ZCCHC4: variants seen among roughly 807,000 people sequenced by gnomAD.
ZCCHC4 encodes rRNA N(6)-adenosine-methyltransferase ZCCHC4.
A neutral mutation model predicts 67.7 loss-of-function variants in ZCCHC4; 54 were observed. The observed-to-expected ratio is 0.80, with a 90% CI of 0.64 to 1.00. The LOEUF (loss-of-function observed/expected upper bound fraction) is 1.00, where lower values mean the gene tolerates loss of function less well. Ranked by LOEUF, ZCCHC4 falls within the 50% of genes least tolerant of loss-of-function variation. The probability of loss-of-function intolerance (pLI) is 0.00; values close to 1 mark genes in which losing one functional copy is unlikely to be tolerated. For missense variants in ZCCHC4, 609 were observed against 617.0 expected, an observed-to-expected ratio of 0.99 and a Z score of 0.14; for synonymous variants, 198 against 213.5, an observed-to-expected ratio of 0.93 and a Z score of 0.63.
chr4:25,350,201 A>G (rs932157144), intron 7 of ZCCHC4, among the ~76,000 whole-genome samples: 7 of 142,586 alleles, frequency 4.9e-5, no homozygotes, highest in African/African-American at 5.2e-5. Flanking sequence ...GCTGGGGGTT[A>G]TTATTCAGTT....
rs1207468148 is a variant in ZCCHC4, at chr4:25,362,052, GC to G, written c.1133+73del. ...AGTTACATATATCCATCAGTCAAATGCTTTCAGTATTGAATCATGTTATTCT... is the reference window on the plus strand; with the variant it reads ...AGTTACATATATCCATCAGTCAAATGTTTCAGTATTGAATCATGTTATTCT... On this transcript the variant is annotated intron_variant, in intron 9 of 12. Transcript: ENST00000302874. 6 of 1,539,762 alleles carry G rather than the reference GC, an allele frequency of 3.9e-6. No homozygotes were observed. The African/African-American group carries it at 8.3e-5, about 21-fold the overall frequency.
At chr4:25,346,430 T>G (rs1202635639) in intron 6 of ZCCHC4, among the ~76,000 whole-genome samples, 1 of 152,168 alleles carries the variant, frequency 6.6e-6, no homozygotes, top group Non-Finnish European at 1.5e-5. Flanking sequence ...CAAGACACCT[T>G]GAAGCATACC....
At position 25,325,486 on chromosome 4, in the gene ZCCHC4, A is replaced by G. The variant is rs550270748; in HGVS notation, c.330-7697A>G. ...ACCATGTTGGCCAGGCTGATCTCGA[A>G]CTCCTGACTTCAAGGGCTCTGCCTG... On this transcript the variant is annotated intron_variant, in intron 3 of 12. Transcript: ENST00000302874. Among the ~76,000 whole-genome samples, 488 of 151,342 alleles carry G rather than the reference A, an allele frequency of 3.2e-3. 1 individual carries two copies. Among genetic ancestry groups the G allele is most frequent in the African/African-American group, 0.011 (471 of 41,276 alleles).
At chr4:25,367,649 A>C (rs1468056665) in intron 12 of ZCCHC4, among the ~76,000 whole-genome samples, 1 of 152,174 alleles carries the variant, frequency 6.6e-6, no homozygotes, top group Non-Finnish European at 1.5e-5. Flanking sequence ...TGTAAAGATG[A>C]CTTTTTTGGT....
At chr4:25,351,980 A>C in intron 8 of ZCCHC4, 1 of 1,057,974 alleles carries the variant, frequency 9.5e-7, no homozygotes, top group Non-Finnish European at 1.1e-6. Context: ...GCTAGGGTTT[A>C]GAGCGGCTGA....
At chr4:25,362,150 A>G in intron 9 of ZCCHC4, 76 bp from the exon 10 acceptor site, 1 of 1,465,756 alleles carries the variant, frequency 6.8e-7, no homozygotes, top group Non-Finnish European at 9.3e-7. Flanking sequence ...TTTTGTAATG[A>G]GTGCTTTGTA....
At chr4:25,315,159 C>G (rs994626667) in intron 2 of ZCCHC4, among the ~76,000 whole-genome samples, 159 bp from the exon 3 acceptor site, 44 of 152,302 alleles carry the variant, frequency 2.9e-4, no homozygotes, top group African/African-American at 8.7e-4. Flanking sequence ...TCAAGCTGCT[C>G]TAGAATTTTC....
At chr4:25,331,093 A>AT (rs1399716538) in intron 3 of ZCCHC4, among the ~76,000 whole-genome samples, 1 of 152,078 alleles carries the variant, frequency 6.6e-6, no homozygotes, top group Non-Finnish European at 1.5e-5. Context: ...TCGGTTCTCC[A>AT]TCCCTGTGCT....
chr4:25,369,002 G>A (rs774285477), intron 12 of ZCCHC4, 27 bp from the exon 13 acceptor site: 2 of 1,593,594 alleles, frequency 1.3e-6, no homozygotes, highest in Non-Finnish European at 1.7e-6. Flanking sequence ...CTCATTCTGT[G>A]AAATAATTTA....
At chr4:25,323,991 G>T (rs111418309) in intron 3 of ZCCHC4, among the ~76,000 whole-genome samples, 5 of 111,774 alleles carry the variant, frequency 4.5e-5, no homozygotes, top group African/African-American at 1.9e-4. Context: ...AAAGGTAATC[G>T]TACAGTATGT....
Position 25,332,284 on chromosome 4 carries a change from GGTGA to G in ZCCHC4, c.330-898_330-895del, listed in dbSNP as rs1393926982. ...GATTGCGCCACGGCACTCTAGCCTG[GGTGA>G]CTCCATCTCAAAAAAAAAAAAAAAA... On this transcript the variant is annotated intron_variant, in intron 3 of 12. Coordinates refer to ENST00000302874, the MANE Select transcript of ZCCHC4 (RefSeq NM_024936.3). Among the ~76,000 whole-genome samples, 10 of 140,236 alleles carry G rather than the reference GGTGA, an allele frequency of 7.1e-5. No individual in the cohort carries two copies. In the Admixed American group the frequency reaches 7.3e-4, roughly 10 times the overall value. 92.0% of individuals were successfully genotyped at this position (140,236 alleles called of 152,430 possible). A position where few individuals can be genotyped will look rare whatever the true frequency, so the allele number is the denominator to read the frequency against.
chr4:25,321,530 G>A (rs562389789), intron 3 of ZCCHC4, among the ~76,000 whole-genome samples: 15 of 151,016 alleles, frequency 9.9e-5, no homozygotes, highest in African/African-American at 2.9e-4. Context: ...CCGCCACCAC[G>A]CCCAGCTAAT....
intron 3 of ZCCHC4, among the ~76,000 whole-genome samples, chr4:25,319,584 T>C (rs1718470346): frequency 6.6e-6 from 1 of 152,186 alleles, no homozygotes; most frequent in Non-Finnish European, 1.5e-5. Flanking sequence ...ATATGCTTTC[T>C]CTGGAGCAAA....
chr4:25,317,208 C>A (rs1029801500), intron 3 of ZCCHC4, among the ~76,000 whole-genome samples: 3 of 152,062 alleles, frequency 2.0e-5, no homozygotes, highest in Non-Finnish European at 2.9e-5. Flanking sequence ...GATTGTGAGG[C>A]CTCATTTAGA....
At chr4:25,335,322 C>T (rs1719402558) in intron 5 of ZCCHC4, among the ~76,000 whole-genome samples, 1 of 152,178 alleles carries the variant, frequency 6.6e-6, no homozygotes, top group Admixed American at 6.5e-5. Context: ...GTGGCTCATG[C>T]CTATAATCCC....
intron 5 of ZCCHC4, among the ~76,000 whole-genome samples, chr4:25,343,470 T>C (rs1719848783): frequency 6.6e-6 from 1 of 152,266 alleles, no homozygotes; most frequent in Non-Finnish European, 1.5e-5. Context: ...CTGCTAATTA[T>C]TAAAATAACA....
At chr4:25,355,021 G>A (rs975183796) in intron 8 of ZCCHC4, among the ~76,000 whole-genome samples, 1 of 148,940 alleles carries the variant, frequency 6.7e-6, no homozygotes, top group African/African-American at 2.5e-5. Flanking sequence ...TCCCAGGTAA[G>A]AGGAAGGCAG....
In ZCCHC4 at chr4:25,331,136, T is replaced by C. The variant is rs555325704; in HGVS notation, c.330-2047T>C. On this transcript the variant is annotated intron_variant, in intron 3 of 12. Coordinates refer to ENST00000302874, the MANE Select transcript of ZCCHC4 (RefSeq NM_024936.3). ...CTCCACAGGCAGGAAGCTGGGCAGC[T>C]GTACCACTCACCTCTGTTCCCTTCC... Among the ~76,000 whole-genome samples, 3 of 152,334 alleles carry C rather than the reference T, an allele frequency of 2.0e-5. No homozygotes were observed. The South Asian group carries it at 6.2e-4, about 32-fold the overall frequency.
Position 25,333,974 on chromosome 4 carries a change from G to A in ZCCHC4, c.672G>A (p.Leu224=). The part of the protein sequence containing the change: ...DKKSNIKSLL[L]DIDFRYSQFY... Reference sequence around the variant, plus strand: ...AGTCTAACATTAAAAGCCTTTTATTGGATATTGATTTTCGGTAGGTTTACA... The same window carrying A: ...AGTCTAACATTAAAAGCCTTTTATTAGATATTGATTTTCGGTAGGTTTACA... The change falls in exon 5 of 13, where the codon TTG becomes TTA. Residue 224 remains leucine, a synonymous_variant. Transcript: ENST00000302874. The A allele has an allele frequency of 6.3e-7, 1 of 1,599,256 alleles. No individual in the cohort carries two copies. Among genetic ancestry groups the A allele is most frequent in the Non-Finnish European group, 8.5e-7 (1 of 1,175,508 alleles).
Sources: allele counts gnomAD v4.1 joint callset (sites outside exome capture counted in the v4.1 genomes callset), GRCh38; gene constraint gnomAD v4.1.1; transcripts MANE v1.5; gene names NCBI Gene and HGNC (gene_info 2026-07-23, HGNC 2026-07-21).